The following HELZ variants were observed in gnomAD, a reference collection of about 807,000 sequenced individuals.
HELZ encodes ATP-dependent RNA helicase with zinc finger domain.
A neutral mutation model predicts 218.2 loss-of-function variants in HELZ; 23 were observed. That is an observed-to-expected ratio of 0.11 (90% CI 0.08 to 0.15). The LOEUF (loss-of-function observed/expected upper bound fraction) is 0.15, where lower values mean the gene tolerates loss of function less well. HELZ is among the 10% of genes least tolerant of loss of function. The pLI, the probability that HELZ is intolerant of heterozygous loss-of-function variation, is 1.00. For missense variants in HELZ, 1,813 were observed against 2,353.7 expected (o/e 0.77, Z 4.75); for synonymous variants, 814 against 829.4 (o/e 0.98, Z 0.32).
At position 67,120,411 on chromosome 17, in the gene HELZ, G is replaced by T. The variant is rs781671602; in HGVS notation, c.3832C>A (p.Arg1278=). 1.4e-5 allele frequency: 23 copies of T among 1,613,354 alleles called. No individual in the cohort carries two copies. The South Asian group carries it at 2.2e-4, about 15-fold the overall frequency. ...ACAGCGAAGTACAACTTACCATTTC[G>T]ATTTTGCTCATGTTGATCCTTCTCC... The part of the protein sequence containing the change: ...HQEKDQHEQN[R]NGKSDTNNSG... The change falls in exon 27 of 33, where the codon CGA becomes AGA. Residue 1278 remains arginine (R), a synonymous_variant. Transcript: ENST00000358691.
At chr17:67,173,192 C>T (rs750470504) in intron 13 of HELZ, 1 of 177,556 alleles carries the variant, frequency 5.6e-6, no homozygotes, top group Non-Finnish European at 1.1e-5. Context: ...AAGGTTATAG[C>T]TATACTAATA....
chr17:67,216,975 T>C (rs967050445), intron 4 of HELZ, among the ~76,000 whole-genome samples: 1 of 152,162 alleles, frequency 6.6e-6, no homozygotes, highest in Non-Finnish European at 1.5e-5. Flanking sequence ...TCCTCGCCTC[T>C]TCTCTATGAT....
At chr17:67,121,539 A>G (rs2037611172) in intron 26 of HELZ, among the ~76,000 whole-genome samples, 1 of 152,172 alleles carries the variant, frequency 6.6e-6, no homozygotes, top group Non-Finnish European at 1.5e-5. Context: ...GTGGCTGAGA[A>G]ATGTTTGCAG....
chr17:67,211,320 A>G (rs1331101438), intron 5 of HELZ, among the ~76,000 whole-genome samples: 1 of 152,162 alleles, frequency 6.6e-6, no homozygotes, highest in East Asian at 1.9e-4. Context: ...ATTATTAGAG[A>G]ATTATATCAA....
chr17:67,204,994 G>A (rs1280637719), intron 5 of HELZ, among the ~76,000 whole-genome samples: 3 of 152,080 alleles, frequency 2.0e-5, no homozygotes, highest in Admixed American at 6.6e-5. Flanking sequence ...ACAGAAACAC[G>A]TATAAATTTG....
chr17:67,114,285 C>T, intron 28 of HELZ, 39 bp downstream of exon 28: 2 of 1,335,370 alleles, frequency 1.5e-6, no homozygotes, highest in Admixed American at 1.7e-5. Context: ...ACCAATCAGA[C>T]TAAATCCACT....
intron 9 of HELZ, among the ~76,000 whole-genome samples, chr17:67,191,238 G>A (rs953851811): frequency 6.6e-6 from 1 of 152,062 alleles, no homozygotes; most frequent in African/African-American, 2.4e-5. Context: ...ATATTTCAGT[G>A]AAAATATATT....
chr17:67,136,539 A>C (rs961385384), intron 22 of HELZ, among the ~76,000 whole-genome samples: 2 of 152,224 alleles, frequency 1.3e-5, no homozygotes, highest in African/African-American at 4.8e-5. Flanking sequence ...AAAAGGTGGA[A>C]GCAACACGAG....
intron 3 of HELZ, among the ~76,000 whole-genome samples, chr17:67,221,756 A>G (rs2040749851): frequency 2.6e-5 from 4 of 152,318 alleles, no homozygotes; most frequent in South Asian, 4.1e-4. Flanking sequence ...TAAGTGCTCA[A>G]TAAGTGTTAG....
At chr17:67,089,611 T>A (rs1161079721) in intron 31 of HELZ, among the ~76,000 whole-genome samples, 1 of 146,546 alleles carries the variant, frequency 6.8e-6, no homozygotes, top group Non-Finnish European at 1.5e-5. Flanking sequence ...ACTGGAAAAT[T>A]TTTTAATGCT....
At chr17:67,124,167 G>A (rs1180054356) in intron 24 of HELZ, among the ~76,000 whole-genome samples, 153 bp from the exon 25 acceptor site, 1 of 152,028 alleles carries the variant, frequency 6.6e-6, no homozygotes, top group African/African-American at 2.4e-5. Flanking sequence ...AGACTGCTTT[G>A]AGCCAATTTT....
At chr17:67,082,402 C>G (rs1598173380) in intron 32 of HELZ, among the ~76,000 whole-genome samples, 1 of 152,228 alleles carries the variant, frequency 6.6e-6, no homozygotes, top group Non-Finnish European at 1.5e-5. Context: ...ATGGAAGCTA[C>G]TTCACACTCC....
chr17:67,117,693 G>T (rs1192416887), intron 27 of HELZ, among the ~76,000 whole-genome samples: 1 of 151,930 alleles, frequency 6.6e-6, no homozygotes, highest in Non-Finnish European at 1.5e-5. Flanking sequence ...GGGATTACAG[G>T]CATGTGCCAC....
At chr17:67,150,305 C>A (rs1406409341) in intron 18 of HELZ, among the ~76,000 whole-genome samples, 1 of 151,380 alleles carries the variant, frequency 6.6e-6, no homozygotes, top group African/African-American at 2.4e-5. Flanking sequence ...AATTTTTGAA[C>A]TTTTTTGTAG....
chr17:67,102,203 A>T (rs2036951389), intron 31 of HELZ, among the ~76,000 whole-genome samples: 1 of 152,190 alleles, frequency 6.6e-6, no homozygotes, highest in Non-Finnish European at 1.5e-5. Flanking sequence ...CAGTGGTGAT[A>T]TAGGTGGGCA....
chr17:67,155,767 G>A lies in HELZ; in HGVS notation c.2177+4494C>T, dbSNP rs139090124. ...CAGGAGAATCGCTTGAACCTGGGAG[G>A]CAGAGGTTGCAGTGAGCCCAGATAG... On this transcript the variant is annotated intron_variant, in intron 17 of 32. Coordinates refer to ENST00000358691, the MANE Select transcript of HELZ (RefSeq NM_014877.4). Among the ~76,000 whole-genome samples, 649 of 151,678 alleles carry A rather than the reference G, an allele frequency of 4.3e-3. 4 individuals are homozygous for A. The highest frequency in any genetic ancestry group is 6.9e-3 in the Non-Finnish European group (471 of 67,938).
intron 31 of HELZ, among the ~76,000 whole-genome samples, chr17:67,090,805 TA>T (rs1364114256): frequency 6.6e-6 from 1 of 152,152 alleles, no homozygotes; most frequent in Non-Finnish European, 1.5e-5. Context: ...TCAATTTTAC[TA>T]ATCTTTCCGA....
At chr17:67,101,481 T>C (rs1244076468) in intron 31 of HELZ, among the ~76,000 whole-genome samples, 1 of 152,046 alleles carries the variant, frequency 6.6e-6, no homozygotes, top group Non-Finnish European at 1.5e-5. Context: ...CACAGAAACT[T>C]ATAGATGAAG....
intron 27 of HELZ, among the ~76,000 whole-genome samples, chr17:67,117,909 A>AT (rs1159646712): frequency 1.3e-5 from 2 of 152,124 alleles, no homozygotes; most frequent in African/African-American, 4.8e-5. Flanking sequence ...AAATGGAGAG[A>AT]TATATACTCC....
Sources: allele counts gnomAD v4.1 joint callset (sites outside exome capture counted in the v4.1 genomes callset), GRCh38; gene constraint gnomAD v4.1.1; transcripts MANE v1.5; gene names NCBI Gene and HGNC (gene_info 2026-07-23, HGNC 2026-07-21).